The following SUCLG2 variants were observed in gnomAD, a reference collection of about 807,000 sequenced individuals.
SUCLG2 encodes succinate--CoA ligase [GDP-forming] subunit beta, mitochondrial.
Under a neutral mutation model 47.9 loss-of-function variants are expected in SUCLG2, and 42 were observed. The observed-to-expected ratio is 0.88, with a 90% CI of 0.69 to 1.14. The LOEUF (loss-of-function observed/expected upper bound fraction) is 1.14, where lower values mean the gene tolerates loss of function less well. Ranked by LOEUF, SUCLG2 falls within the 50% of genes most tolerant of loss-of-function variation. The probability of loss-of-function intolerance (pLI) is 0.00; values close to 1 mark genes in which losing one functional copy is unlikely to be tolerated. For missense variants in SUCLG2, 571 were observed against 525.9 expected, an observed-to-expected ratio of 1.09 and a Z score of -0.84; for synonymous variants, 195 against 197.3, an observed-to-expected ratio of 0.99 and a Z score of 0.10.
intron 2 of SUCLG2, among the ~76,000 whole-genome samples, chr3:67,606,911 A>T (rs1389763809): frequency 7.2e-5 from 11 of 152,226 alleles, no homozygotes; most frequent in Admixed American, 5.2e-4. Flanking sequence ...ATTTCAACTG[A>T]CATAACATAG....
intron 2 of SUCLG2, among the ~76,000 whole-genome samples, chr3:67,588,917 T>C (rs1708089378): frequency 6.6e-6 from 1 of 152,142 alleles, no homozygotes; most frequent in South Asian, 2.1e-4. Context: ...TTCCTAACAA[T>C]CCCTTGTTTA....
intron 1 of SUCLG2, among the ~76,000 whole-genome samples, chr3:67,643,966 C>T (rs1410707205): frequency 6.6e-6 from 1 of 152,180 alleles, no homozygotes; most frequent in Non-Finnish European, 1.5e-5. Flanking sequence ...CGTGAGCCAC[C>T]GCCTAATAGT....
At chr3:67,608,673 TA>T (rs1473580267) in intron 2 of SUCLG2, among the ~76,000 whole-genome samples, 14 of 112,372 alleles carry the variant, frequency 1.2e-4, no homozygotes, top group Admixed American at 8.0e-4. Flanking sequence ...TTTGTTGTTC[TA>T]ATTTTTTTTT....
At chr3:67,438,854 A>C (rs986421326) in intron 9 of SUCLG2, among the ~76,000 whole-genome samples, 1 of 152,226 alleles carries the variant, frequency 6.6e-6, no homozygotes, top group African/African-American at 2.4e-5. Flanking sequence ...TGCAAACAAT[A>C]GAAAAAGAGG....
intron 2 of SUCLG2, among the ~76,000 whole-genome samples, chr3:67,569,665 G>A (rs1018869179): frequency 1.8e-4 from 27 of 152,126 alleles, no homozygotes; most frequent in African/African-American, 5.8e-4. Context: ...ATGCCTGTTC[G>A]CCTATTTGGG....
chr3:67,472,973 T>G (rs1704641409), intron 9 of SUCLG2, among the ~76,000 whole-genome samples: 1 of 152,098 alleles, frequency 6.6e-6, no homozygotes, highest in Non-Finnish European at 1.5e-5. Flanking sequence ...GAAAATAAAA[T>G]GGCCACTAAA....
chr3:67,496,518 T>C (rs992293368), intron 8 of SUCLG2, among the ~76,000 whole-genome samples: 4 of 152,200 alleles, frequency 2.6e-5, no homozygotes, highest in Non-Finnish European at 5.9e-5. Flanking sequence ...GTTTACATAA[T>C]GTTACCTGGA....
intron 2 of SUCLG2, among the ~76,000 whole-genome samples, chr3:67,539,696 T>G (rs952098538): frequency 6.6e-6 from 1 of 152,174 alleles, no homozygotes; most frequent in Non-Finnish European, 1.5e-5. Flanking sequence ...TCCTAGGCTT[T>G]TTTTGGTTGG....
intron 1 of SUCLG2, among the ~76,000 whole-genome samples, chr3:67,637,513 T>C (rs1339066540): frequency 6.6e-6 from 1 of 152,248 alleles, no homozygotes; most frequent in Non-Finnish European, 1.5e-5. Context: ...GAGGGCAATT[T>C]ACTGACTTAC....
intron 9 of SUCLG2, among the ~76,000 whole-genome samples, chr3:67,486,980 A>G (rs1014649175): frequency 6.6e-6 from 1 of 152,242 alleles, no homozygotes; most frequent in Non-Finnish European, 1.5e-5. Flanking sequence ...ACACAGGCGA[A>G]TTTCCAAATA....
intron 9 of SUCLG2, among the ~76,000 whole-genome samples, chr3:67,421,142 T>A (rs1388017954): frequency 2.0e-5 from 3 of 152,038 alleles, no homozygotes; most frequent in African/African-American, 7.2e-5. Flanking sequence ...GAGCAGGAAT[T>A]TCAATCTGGG....
Position 67,413,196 on chromosome 3 carries a change from G to T in SUCLG2, c.1063-12345C>A, listed in dbSNP as rs575001210. 1.1e-4 allele frequency among the ~76,000 whole-genome samples: 16 copies of T among 152,266 alleles called. 1 individual carries two copies. Among genetic ancestry groups the T allele is most frequent in the Admixed American group, 6.5e-4 (10 of 15,296 alleles). On this transcript the variant is annotated intron_variant, in intron 9 of 10. Transcript: ENST00000307227. ...ACAAGCTAAAGGCTTTATTATCTTG[G>T]GTCCTGTCCATTACAAATGACAGAT...
intron 2 of SUCLG2, among the ~76,000 whole-genome samples, chr3:67,560,170 G>T (rs1394910639): frequency 6.6e-6 from 1 of 152,210 alleles, no homozygotes; most frequent in African/African-American, 2.4e-5. Flanking sequence ...CAGAAACTGA[G>T]AATGTGATCT....
At chr3:67,431,999 C>T (rs562048172) in intron 9 of SUCLG2, among the ~76,000 whole-genome samples, 1 of 152,282 alleles carries the variant, frequency 6.6e-6, no homozygotes, top group East Asian at 1.9e-4. Context: ...TTGGGTGGTA[C>T]ATTGAGGGTG....
In SUCLG2 at chr3:67,375,278, T is replaced by C; in HGVS notation, c.*466A>G. 1 of 985,304 alleles carries C rather than the reference T, an allele frequency of 1.0e-6. No homozygotes were observed. Among genetic ancestry groups the C allele is most frequent in the Non-Finnish European group, 1.2e-6 (1 of 829,454 alleles). The allele number at this position is 985,304 out of a possible 1,614,324, so 61.0% of individuals were successfully genotyped here. A position where few individuals can be genotyped will look rare whatever the true frequency, so the allele number is the denominator to read the frequency against. Reference sequence around the variant, plus strand: ...GAATGTCTTAGCAGTGCCTTTTTAGTAGCTAATATGTTCAGTGTAATCTTA... The same window carrying C: ...GAATGTCTTAGCAGTGCCTTTTTAGCAGCTAATATGTTCAGTGTAATCTTA... On this transcript the variant is annotated 3_prime_UTR_variant, in exon 11 of 11. Coordinates refer to ENST00000307227, the MANE Select transcript of SUCLG2 (RefSeq NM_003848.4).
intron 1 of SUCLG2, among the ~76,000 whole-genome samples, chr3:67,627,036 G>C (rs950002097): frequency 6.6e-6 from 1 of 151,772 alleles, no homozygotes; most frequent in African/African-American, 2.4e-5. Context: ...GACTAGAGAT[G>C]GGTTGAAAGT....
rs1705397829 is a variant in SUCLG2 at position 67,498,146 on chromosome 3, T to C, written c.907A>G (p.Ile303Val). The change falls in exon 8 of 11, where the codon ATT becomes GTT. Residue 303 changes from isoleucine (I) to valine (V), a missense_variant. Ile to Val is a conservative substitution (Grantham distance 29). Transcript: ENST00000307227. ...AACTGCTTCTTACCAAAGCAGGCAA[T>C]GTTCCCATCTAGTCCTATGTATTTT... ...DLKYIGLDGNIACFVNGAGLA... is the reference protein window; with the variant it reads ...DLKYIGLDGNVACFVNGAGLA... 3 of 1,608,974 alleles carry C rather than the reference T, an allele frequency of 1.9e-6. No homozygotes were observed. Among genetic ancestry groups the C allele is most frequent in the Non-Finnish European group, 2.5e-6 (3 of 1,177,370 alleles).
chr3:67,557,203 T>C (rs1707184368), intron 2 of SUCLG2, among the ~76,000 whole-genome samples: 1 of 152,204 alleles, frequency 6.6e-6, no homozygotes, highest in Non-Finnish European at 1.5e-5. Flanking sequence ...ATCAAATGCA[T>C]GCAACTCTAC....
intron 10 of SUCLG2, chr3:67,376,368 A>G: frequency 1.0e-6 from 1 of 985,430 alleles, no homozygotes; most frequent in Non-Finnish European, 1.2e-6. Context: ...AAACGGGCAA[A>G]GCAGCCTCTG....
Sources: gnomAD v4.1 joint callset for allele counts (sites outside exome capture counted in the v4.1 genomes callset) on GRCh38, gnomAD v4.1.1 for gene constraint, MANE v1.5 for transcripts, NCBI Gene and HGNC (gene_info 2026-07-23, HGNC 2026-07-21) for gene names.